FRMPD2: variants seen among roughly 807,000 people sequenced by gnomAD.
The protein encoded by FRMPD2 is FERM and PDZ domain containing 2, also known as FERM and PDZ domain-containing protein 2.
In FRMPD2, 96 loss-of-function variants were observed where a neutral mutation model predicts 140.1. The observed-to-expected ratio is 0.69, with a 90% CI of 0.58 to 0.81. The LOEUF (loss-of-function observed/expected upper bound fraction) is 0.81, where lower values mean the gene tolerates loss of function less well. Among genes scored for constraint, FRMPD2 ranks in the 40% least tolerant of loss-of-function variants. The pLI is 0.00. For synonymous variants in FRMPD2, 449 were observed against 547.6 expected, an observed-to-expected ratio of 0.82 and a Z score of 2.52; for missense variants, 1,240 against 1,447.4, an observed-to-expected ratio of 0.86 and a Z score of 2.32.
intron 22 of FRMPD2, 25 bp from the exon 23 acceptor site, chr10:48,175,964 C>T: frequency 1.3e-6 from 2 of 1,592,278 alleles, no homozygotes; most frequent in South Asian, 1.1e-5. Context: ...AAAAAACTCA[C>T]CACCCATCTT....
intron 5 of FRMPD2, among the ~76,000 whole-genome samples, chr10:48,240,844 C>G (rs967968721): frequency 6.6e-6 from 1 of 152,220 alleles, no homozygotes; most frequent in Non-Finnish European, 1.5e-5. Context: ...GATCACCTTC[C>G]CTTATCACTG....
In FRMPD2 at chr10:48,206,862, C is replaced by T. The variant is rs1423757868; in HGVS notation, c.1683G>A (p.Glu561=). Residue 561 remains glutamate, a synonymous_variant, in exon 14 of 29, where the codon GAG becomes GAA. Coordinates refer to ENST00000374201, the MANE Select transcript of FRMPD2 (RefSeq NM_001018071.4). ...QVFSEKRRPE[E]EMALGICAKG... Reference sequence around the variant, plus strand: ...TGGCACAGATCCCCAGGGCCATCTCCTCTTCTGGCCTCCTCTTCTCTGAGA... The same window carrying T: ...TGGCACAGATCCCCAGGGCCATCTCTTCTTCTGGCCTCCTCTTCTCTGAGA... The T allele has an allele frequency of 1.2e-6, 2 of 1,614,114 alleles. No individual in the cohort carries two copies. Among genetic ancestry groups the T allele is most frequent in the Admixed American group, 1.7e-5 (1 of 60,030 alleles).
rs549160344 is a variant in FRMPD2 at position 48,186,699 on chromosome 10, C to A, written c.2266+493G>T. Among the ~76,000 whole-genome samples the A allele has an allele frequency of 8.1e-4, 124 of 152,316 alleles. 5 individuals are homozygous for A. In the South Asian group the frequency reaches 0.024, roughly 30 times the overall value. ...TATGTCTTTATCAGCAGCGTGAAAA[C>A]GCACTAATACACTGATCCAACCCTC... On this transcript the variant is annotated intron_variant, in intron 17 of 28. Coordinates refer to ENST00000374201, the MANE Select transcript of FRMPD2 (RefSeq NM_001018071.4).
chr10:48,222,484 T>C, intron 11 of FRMPD2, 33 bp from the exon 12 acceptor site: 7 of 1,611,036 alleles, frequency 4.3e-6, no homozygotes, highest in Non-Finnish European at 5.9e-6. Context: ...AAGGGCTGGG[T>C]TGCTAAGGGA....
chr10:48,185,578 CA>C lies in FRMPD2; in HGVS notation c.2333del (p.Leu778ArgfsTer50). The part of the protein sequence containing the change: ...EPGREIVRVT[L>X]KRDPHRGFGF... ...CAAAACCACGATGTGGGTCACGTTT[CA>C]GTGTCACACGTACAATTTCTCGGCC... On this transcript the variant is annotated frameshift_variant, in exon 18 of 29. Coordinates refer to ENST00000374201, the MANE Select transcript of FRMPD2 (RefSeq NM_001018071.4). LOFTEE classifies it high-confidence loss of function. 1 of 1,613,952 alleles carries C rather than the reference CA, an allele frequency of 6.2e-7. No individual in the cohort carries two copies. Among genetic ancestry groups the C allele is most frequent in the Non-Finnish European group, 8.5e-7 (1 of 1,179,844 alleles).
At chr10:48,215,986 CA>C (rs1839438219) in intron 12 of FRMPD2, among the ~76,000 whole-genome samples, 1 of 152,180 alleles carries the variant, frequency 6.6e-6, no homozygotes, top group African/African-American at 2.4e-5. Context: ...GTACCTCATT[CA>C]ATCTGTTGAA....
rs779291820 is a variant in FRMPD2, at chr10:48,274,564, G to T, written c.4C>A (p.Gln2Lys). Reference protein sequence around the residue: MQPLTKDAGMSL... With the variant: MKPLTKDAGMSL... ...ATACCTGCGTCCTTCGTTAAAGGCTGCATCCAAAAGTCTCCGTGACCAGGT... is the reference window on the plus strand; with the variant it reads ...ATACCTGCGTCCTTCGTTAAAGGCTTCATCCAAAAGTCTCCGTGACCAGGT... Residue 2 changes from glutamine (Q) to lysine (K), a missense_variant, in exon 1 of 29, where the codon CAG (glutamine) becomes AAG (lysine). Gln to Lys is a moderately conservative substitution (Grantham distance 53, BLOSUM62 1). This residue lies in a region of FRMPD2 where 1,161 missense variants were observed against 1,055.9 expected (regional missense o/e 1.10). Coordinates refer to ENST00000374201, the MANE Select transcript of FRMPD2 (RefSeq NM_001018071.4). 5 of 1,613,946 alleles carry T rather than the reference G, an allele frequency of 3.1e-6. No homozygotes were observed. In the South Asian group the frequency reaches 4.4e-5, roughly 14 times the overall value.
rs1839342847 is a variant in FRMPD2 at position 48,212,187 on chromosome 10, T to G, written c.1456-78A>C. The G allele has an allele frequency of 4.2e-6, 6 of 1,434,048 alleles. No individual in the cohort carries two copies. The East Asian group carries it at 1.2e-4, about 28-fold the overall frequency. The allele number at this position is 1,434,048 out of a possible 1,614,324, so 88.8% of individuals were successfully genotyped here. On this transcript the variant is annotated intron_variant, in intron 12 of 28. Coordinates refer to ENST00000374201, the MANE Select transcript of FRMPD2 (RefSeq NM_001018071.4). ...CTCTGAGAGGAATGAAAACATTATC[T>G]GTAGTCACAATTCCAGGAGGGCGCC...
At chr10:48,200,151 T>TA (rs1839048508) in intron 15 of FRMPD2, among the ~76,000 whole-genome samples, 1 of 135,518 alleles carries the variant, frequency 7.4e-6, no homozygotes, top group South Asian at 2.4e-4. Flanking sequence ...AGCTAAAAAA[T>TA]ATAAATAAAT....
intron 20 of FRMPD2, among the ~76,000 whole-genome samples, chr10:48,183,865 G>GAAAAAAAAAAAAAAAAAAAAAA (rs1838611626): frequency 4.3e-5 from 3 of 69,344 alleles, no homozygotes; most frequent in Non-Finnish European, 6.3e-5. Flanking sequence ...AAAAAAAAAG[G>GAAAAAAAAAAAAAAAAAAAAAA]AAAATCAAAT....
chr10:48,192,685 T>C lies in FRMPD2; in HGVS notation c.2164A>G (p.Ser722Gly), dbSNP rs957021063. ...KEAGAEGIGR[S>G]PCTGREQLKS... is the part of the protein sequence containing the mutation. Reference sequence around the variant, plus strand: ...AGAGAACAAATGTGTCACACCCACCTGCGCCCGATGCCTTCTGCTCCAGCC... The same window carrying C: ...AGAGAACAAATGTGTCACACCCACCCGCGCCCGATGCCTTCTGCTCCAGCC... The change falls in exon 16 of 29, where the codon AGC becomes GGC. Residue 722 changes from serine (S) to glycine (G), a missense_variant and splice_region_variant. Ser to Gly is a moderately conservative substitution (Grantham distance 56). This residue lies in a region of FRMPD2 where 1,161 missense variants were observed against 1,055.9 expected (regional missense o/e 1.10). Coordinates refer to ENST00000374201, the MANE Select transcript of FRMPD2 (RefSeq NM_001018071.4). The C allele has an allele frequency of 1.3e-5, 21 of 1,613,742 alleles. No individual in the cohort carries two copies. The highest frequency in any genetic ancestry group is 1.6e-5 in the Non-Finnish European group (19 of 1,179,890).
At chr10:48,243,464 C>T (rs756252443) in intron 4 of FRMPD2, among the ~76,000 whole-genome samples, 7 of 152,094 alleles carry the variant, frequency 4.6e-5, no homozygotes. Flanking sequence ...AATGTGGGGT[C>T]CCTTGTTCAA....
At chr10:48,174,268 C>T (rs1379871209) in intron 24 of FRMPD2, among the ~76,000 whole-genome samples, 1 of 152,040 alleles carries the variant, frequency 6.6e-6, no homozygotes, top group Non-Finnish European at 1.5e-5. Context: ...AGGCTCCTAA[C>T]CTCAGGCAGA....
At chr10:48,223,323 T>A in intron 10 of FRMPD2, 53 bp from the exon 11 acceptor site, 1 of 1,547,480 alleles carries the variant, frequency 6.5e-7, no homozygotes, top group Non-Finnish European at 8.8e-7. Flanking sequence ...GATTGCACCA[T>A]CTCTCAGACT....
At chr10:48,171,605 G>T (rs1388151791) in intron 25 of FRMPD2, among the ~76,000 whole-genome samples, 6 of 152,238 alleles carry the variant, frequency 3.9e-5, no homozygotes, top group Admixed American at 2.0e-4. Flanking sequence ...TTATTAACGA[G>T]ATATTTTTTA....
chr10:48,240,371 T>A lies in FRMPD2; in HGVS notation c.689A>T (p.His230Leu). The A allele has an allele frequency of 4.3e-6, 7 of 1,612,314 alleles. No individual in the cohort carries two copies. The highest frequency in any genetic ancestry group is 5.9e-6 in the Non-Finnish European group (7 of 1,180,032). ...GGGCACGTACCCACCTCTGCAAGGATGCAGACACTCCGGGGCCTGTGCCGC... is the reference window on the plus strand; with the variant it reads ...GGGCACGTACCCACCTCTGCAAGGAAGCAGACACTCCGGGGCCTGTGCCGC... Reference protein sequence around the residue: ...SPAAQAPECLHPCRVSERSTE... With the variant: ...SPAAQAPECLLPCRVSERSTE... The change falls in exon 6 of 29, where the codon CAT becomes CTT. Residue 230 changes from histidine to leucine, a missense_variant. By Grantham distance (99) the His-to-Leu change is moderately conservative. Around this residue, in one of 6 missense-constraint regions of FRMPD2, gnomAD observed 1,161 missense variants for 1,055.9 expected, o/e 1.10. Transcript: ENST00000374201.
intron 2 of FRMPD2, among the ~76,000 whole-genome samples, chr10:48,250,572 T>C (rs1232366405): frequency 1.3e-5 from 2 of 151,874 alleles, no homozygotes; most frequent in African/African-American, 4.8e-5. Flanking sequence ...GGCTAATATT[T>C]TGTGTGTGTA....
At chr10:48,173,411 A>G (rs1201940578) in intron 24 of FRMPD2, among the ~76,000 whole-genome samples, 1 of 151,162 alleles carries the variant, frequency 6.6e-6, no homozygotes, top group Non-Finnish European at 1.5e-5. Flanking sequence ...CCCACCATTA[A>G]CCTGCCAAGG....
Position 48,206,941 on chromosome 10 carries a change from A to G in FRMPD2, c.1612-8T>C. On this transcript the variant is annotated splice_polypyrimidine_tract_variant and splice_region_variant and intron_variant, in intron 13 of 28. Transcript: ENST00000374201. ...TGGGAGCTGCTGAGTGACCTGGAGC[A>G]GAAAAAGGCTGATTTAGAAGAGACA... 3 of 1,612,870 alleles carry G rather than the reference A, an allele frequency of 1.9e-6. No individual in the cohort carries two copies. The South Asian group carries it at 3.3e-5, about 18-fold the overall frequency.
Sources: gnomAD v4.1 joint callset for allele counts (sites outside exome capture counted in the v4.1 genomes callset) on GRCh38, gnomAD v4.1.1 for gene constraint, gnomAD v4.1.1 regional missense constraint, MANE v1.5 for transcripts, NCBI Gene and HGNC (gene_info 2026-07-23, HGNC 2026-07-21) for gene names.